Variants in SLC7A2 observed in about 807,000 individuals in gnomAD.
The protein encoded by SLC7A2 is solute carrier family 7 member 2.
In SLC7A2, 48 loss-of-function variants were observed where a neutral mutation model predicts 58.9. That is an observed-to-expected ratio of 0.82 (90% CI 0.65 to 1.04). The LOEUF (loss-of-function observed/expected upper bound fraction) is 1.04, where lower values mean the gene tolerates loss of function less well. Among genes scored for constraint, SLC7A2 ranks in the 50% least tolerant of loss-of-function variants. SLC7A2 has a pLI of 0.00. For missense variants in SLC7A2, 1,029 were observed against 818.8 expected, an observed-to-expected ratio of 1.26 and a Z score of -3.13; for synonymous variants, 363 against 314.5, an observed-to-expected ratio of 1.15 and a Z score of -1.63.
At position 17,543,432 on chromosome 8, in the gene SLC7A2, C is replaced by T. The variant is rs1326027986; in HGVS notation, c.93C>T (p.Cys31=). The T allele has an allele frequency of 6.2e-7, 1 of 1,614,190 alleles. No homozygotes were observed. ...ACAGTCTAGAAGACACCAAATTATGCCGCTGCTTATCCACCATGGACCTCA... is the reference window on the plus strand; with the variant it reads ...ACAGTCTAGAAGACACCAAATTATGTCGCTGCTTATCCACCATGGACCTCA... ...TLDSLEDTKL[C]RCLSTMDLIA... Residue 31 remains cysteine, a synonymous_variant, in exon 3 of 13, where the codon TGC becomes TGT. Transcript: ENST00000494857.
chr8:17,506,909 A>G (rs761474013), intron 2 of SLC7A2, among the ~76,000 whole-genome samples: 6 of 152,076 alleles, frequency 3.9e-5, no homozygotes, highest in Non-Finnish European at 8.8e-5. Flanking sequence ...TTGTGAAAAC[A>G]AATAATAATT....
chr8:17,562,174 G>C (rs1041176766), intron 11 of SLC7A2, 64 bp downstream of exon 11: 1 of 694,508 alleles, frequency 1.4e-6, no homozygotes, highest in Admixed American at 3.9e-5. Context: ...AATTAGTTTG[G>C]TAAGTATTTT....
chr8:17,503,638 G>A (rs1350525668), intron 2 of SLC7A2, among the ~76,000 whole-genome samples: 1 of 151,962 alleles, frequency 6.6e-6, no homozygotes, highest in Admixed American at 6.6e-5. Flanking sequence ...CAGAATATTT[G>A]CAACTTGCCA....
At chr8:17,522,251 C>T (rs1801043551) in intron 2 of SLC7A2, among the ~76,000 whole-genome samples, 1 of 152,140 alleles carries the variant, frequency 6.6e-6, no homozygotes, top group African/African-American at 2.4e-5. Flanking sequence ...CCTTATAAAA[C>T]CATCAAATCT....
At chr8:17,556,345 C>G (rs188795579) in intron 8 of SLC7A2, among the ~76,000 whole-genome samples, 1 of 151,620 alleles carries the variant, frequency 6.6e-6, no homozygotes, top group Non-Finnish European at 1.5e-5. Context: ...TTATCTTTCT[C>G]TATTCAGGAA....
chr8:17,536,838 G>T (rs1170982938), intron 2 of SLC7A2, among the ~76,000 whole-genome samples: 2 of 152,128 alleles, frequency 1.3e-5, no homozygotes, highest in African/African-American at 4.8e-5. Context: ...TTCGCCATTA[G>T]CTTCTGGTTT....
chr8:17,537,026 C>G (rs1236058132), intron 2 of SLC7A2, among the ~76,000 whole-genome samples: 1 of 152,146 alleles, frequency 6.6e-6, no homozygotes, highest in Non-Finnish European at 1.5e-5. Context: ...CAAGACTGTC[C>G]TCCTCTGAAT....
chr8:17,554,965 C>G (rs1434387008), intron 8 of SLC7A2: 4 of 1,613,730 alleles, frequency 2.5e-6, no homozygotes, highest in African/African-American at 1.3e-5. Context: ...CTCTATGTTT[C>G]CTTTACCCCG....
At chr8:17,563,358 T>C (rs1803111959) in intron 11 of SLC7A2, among the ~76,000 whole-genome samples, 1 of 151,696 alleles carries the variant, frequency 6.6e-6, no homozygotes, top group African/African-American at 2.4e-5. Context: ...GAAAGCTAAA[T>C]CCTAAAACCA....
Position 17,565,033 on chromosome 8 carries a change from C to G in SLC7A2, c.1864C>G (p.Pro622Ala). 5 of 1,613,778 alleles carry G rather than the reference C, an allele frequency of 3.1e-6. No individual in the cohort carries two copies. Among genetic ancestry groups the G allele is most frequent in the South Asian group, 1.1e-5 (1 of 91,040 alleles). ...TGAAAACAATGAAGAAGATGCTTATCCAGACAACGTTCATGCAGCAGCAGA... is the reference window on the plus strand; with the variant it reads ...TGAAAACAATGAAGAAGATGCTTATGCAGACAACGTTCATGCAGCAGCAGA... ...RDENNEEDAYPDNVHAAAEEK... is the reference protein window; with the variant it reads ...RDENNEEDAYADNVHAAAEEK... Residue 622 changes from proline to alanine, a missense_variant, in exon 13 of 13, where the codon CCA (proline) becomes GCA (alanine). Pro to Ala is a conservative substitution (Grantham distance 27). Coordinates refer to ENST00000494857, the MANE Select transcript of SLC7A2 (RefSeq NM_001370338.1).
rs386412194 is a variant in SLC7A2 at position 17,545,403 on chromosome 8, C to CTTTTTTTT, written c.532+815_532+822dup. On this transcript the variant is annotated intron_variant, in intron 4 of 12. Transcript: ENST00000494857. The stretch of plus-strand genomic sequence containing the variant: ...TTTGTTTTAACTATTTGAACATTTT[C>CTTTTTTTT]TTTTTTTTTTTTTTTTTTTTTTTTT... Among the ~76,000 whole-genome samples the CTTTTTTTT allele has an allele frequency of 1.3e-3, 86 of 64,270 alleles. 1 individual carries two copies. Among genetic ancestry groups the CTTTTTTTT allele is most frequent in the African/African-American group, 3.4e-3 (49 of 14,304 alleles). 42.2% of individuals were successfully genotyped at this position (64,270 alleles called of 152,430 possible).
chr8:17,510,729 G>T (rs1800570203), intron 2 of SLC7A2: 1 of 152,096 alleles, frequency 6.6e-6, no homozygotes, highest in South Asian at 2.1e-4. Flanking sequence ...AATACCATTT[G>T]GCCCAGCAGT....
At chr8:17,558,477 G>A (rs997969149) in intron 9 of SLC7A2, 80 bp downstream of exon 9, 12 of 847,598 alleles carry the variant, frequency 1.4e-5, no homozygotes, top group Non-Finnish European at 2.3e-5. Context: ...CACTCTCCTG[G>A]CTTCCAGGGA....
intron 2 of SLC7A2, among the ~76,000 whole-genome samples, chr8:17,520,478 TA>T (rs772874388): frequency 7.3e-5 from 11 of 151,136 alleles, no homozygotes; most frequent in Non-Finnish European, 1.6e-4. Context: ...GCATTTCTAC[TA>T]AAAATACAAA....
chr8:17,544,693 T>A, intron 4 of SLC7A2, 87 bp downstream of exon 4: 1 of 1,151,560 alleles, frequency 8.7e-7, no homozygotes, highest in South Asian at 1.5e-5. Context: ...GGGGCCTGAG[T>A]TCCCAAGATG....
At chr8:17,503,370 AAAT>A (rs1800244471) in intron 2 of SLC7A2, among the ~76,000 whole-genome samples, 1 of 152,096 alleles carries the variant, frequency 6.6e-6, no homozygotes, top group Admixed American at 6.6e-5. Context: ...TTATTGAAAA[AAAT>A]TTTATGCTTC....
chr8:17,560,987 C>T (rs1447371095), intron 10 of SLC7A2, among the ~76,000 whole-genome samples: 1 of 152,110 alleles, frequency 6.6e-6, no homozygotes, highest in Non-Finnish European at 1.5e-5. Flanking sequence ...CCACTGGGCA[C>T]CTGGGATGCC....
chr8:17,541,430 T>C (rs1285960199), intron 2 of SLC7A2, among the ~76,000 whole-genome samples: 3 of 152,210 alleles, frequency 2.0e-5, no homozygotes, highest in African/African-American at 7.2e-5. Flanking sequence ...CCCATAAGCA[T>C]TTGTGAAGTG....
chr8:17,497,661 C>A (rs939232662), intron 1 of SLC7A2, among the ~76,000 whole-genome samples: 1 of 152,222 alleles, frequency 6.6e-6, no homozygotes, highest in South Asian at 2.1e-4. Flanking sequence ...AACCTCCTGG[C>A]CCTGCACGCT....
Sources: allele counts gnomAD v4.1 joint callset (sites outside exome capture counted in the v4.1 genomes callset), GRCh38; gene constraint gnomAD v4.1.1; transcripts MANE v1.5; gene names NCBI Gene and HGNC (gene_info 2026-07-23, HGNC 2026-07-21).